The following UVSSA variants were observed in gnomAD, a reference collection of about 807,000 sequenced individuals.
The protein encoded by UVSSA is UV-stimulated scaffold protein A.
In UVSSA, 72 loss-of-function variants were observed where a neutral mutation model predicts 73.9. The ratio of observed to expected loss-of-function variants is 0.97; its 90% CI spans 0.81 to 1.19. UVSSA has a LOEUF of 1.19. Ranked by LOEUF, UVSSA falls within the 50% of genes most tolerant of loss-of-function variation. The pLI is 0.00. For synonymous variants in UVSSA, 454 were observed against 391.3 expected (o/e 1.16, Z -1.89); for missense variants, 1,150 against 965.0 (o/e 1.19, Z -2.54).
rs574965437 is a variant in UVSSA, at chr4:1,349,555, C to T, written c.130C>T (p.Arg44Cys). The T allele has an allele frequency of 7.0e-5, 113 of 1,613,792 alleles. No homozygotes were observed. Among genetic ancestry groups the T allele is most frequent in the Non-Finnish European group, 8.3e-5 (98 of 1,179,960 alleles). Residue 44 changes from arginine to cysteine, a missense_variant, in exon 3 of 14, where the codon CGC (arginine) becomes TGC (cysteine). Transcript: ENST00000389851. Reference sequence around the variant, plus strand: ...AGAGGAGCAGCTGAGCCGCGCCTACCGCCTGCTGATAGCACAGCTGACCCA... The same window carrying T: ...AGAGGAGCAGCTGAGCCGCGCCTACTGCCTGCTGATAGCACAGCTGACCCA... ...SSEEQLSRAYRLLIAQLTQEH... is the reference protein window; with the variant it reads ...SSEEQLSRAYCLLIAQLTQEH...
In UVSSA at chr4:1,380,904, C is replaced by G; in HGVS notation, c.1777C>G (p.Pro593Ala). 1 of 1,613,026 alleles carries G rather than the reference C, an allele frequency of 6.2e-7. No individual in the cohort carries two copies. The highest frequency in any genetic ancestry group is 8.5e-7 in the Non-Finnish European group (1 of 1,179,944). Residue 593 changes from proline (P) to alanine (A), a missense_variant, in exon 12 of 14, where the codon CCA becomes GCA. By Grantham distance (27) the Pro-to-Ala change is conservative. Transcript: ENST00000389851. ...GTGCCCTTTCCATGGGAAGATTGTT[C>G]CACGGGACGACGAAGGACGGCCGCT... The part of the protein sequence containing the change: ...LKCPFHGKIV[P>A]RDDEGRPLDP...
At chr4:1,364,032 C>T (rs1716992010) in intron 7 of UVSSA, among the ~76,000 whole-genome samples, 1 of 52,458 alleles carries the variant, frequency 1.9e-5, no homozygotes, top group African/African-American at 8.4e-5. Flanking sequence ...GGTGCTGGTG[C>T]CCGGGCCCCG....
At chr4:1,375,227 A>G (rs754608622) in intron 8 of UVSSA, 137 bp from the exon 9 acceptor site, 15 of 1,411,306 alleles carry the variant, frequency 1.1e-5, no homozygotes, top group Non-Finnish European at 1.4e-5. Flanking sequence ...TGAGGAGCAG[A>G]TAGCAGGCAC....
At chr4:1,348,022 A>C (rs1713979042) in intron 1 of UVSSA, 68 bp from the exon 2 acceptor site, 1 of 1,346,862 alleles carries the variant, frequency 7.4e-7, no homozygotes, top group African/African-American at 1.5e-5. Context: ...CCCAGTAAAC[A>C]CGTTAATAAC....
At chr4:1,370,223 C>G (rs2109228526) in intron 8 of UVSSA, among the ~76,000 whole-genome samples, 1 of 152,342 alleles carries the variant, frequency 6.6e-6, no homozygotes, top group East Asian at 1.9e-4. Flanking sequence ...ACATTGTTCA[C>G]TTGTCAGTCT....
chr4:1,354,609 G>T (rs1715366653), intron 5 of UVSSA, 126 bp from the exon 6 acceptor site: 4 of 726,866 alleles, frequency 5.5e-6, no homozygotes, highest in Admixed American at 2.4e-5. Flanking sequence ...ATTCCCGGGG[G>T]CAGGCATGGG....
intron 8 of UVSSA, among the ~76,000 whole-genome samples, chr4:1,368,404 C>A (rs141094661): frequency 6.6e-6 from 1 of 152,244 alleles, no homozygotes; most frequent in African/African-American, 2.4e-5. Flanking sequence ...GAAACTCAAA[C>A]GAGGTGACTT....
In UVSSA at chr4:1,347,673, C is replaced by G. The variant is rs1162443789; in HGVS notation, c.-90C>G. 6.0e-6 allele frequency: 1 copy of G among 166,002 alleles called. No individual in the cohort carries two copies. The highest frequency in any genetic ancestry group is 2.4e-5 in the African/African-American group (1 of 41,598). The allele number at this position is 166,002 out of a possible 1,614,324, so 10.3% of individuals were successfully genotyped here. A position where few individuals can be genotyped will look rare whatever the true frequency, so the allele number is the denominator to read the frequency against. Reference sequence around the variant, plus strand: ...TGCCTCCGTTAGGGCCGCCCCTGCTCTCCGGACGCGACTTTTCATTGGTCT... The same window carrying G: ...TGCCTCCGTTAGGGCCGCCCCTGCTGTCCGGACGCGACTTTTCATTGGTCT... On this transcript the variant is annotated 5_prime_UTR_variant, in exon 1 of 14. Transcript: ENST00000389851.
intron 3 of UVSSA, among the ~76,000 whole-genome samples, chr4:1,350,505 G>T (rs1257826761): frequency 1.3e-5 from 2 of 152,226 alleles, no homozygotes; most frequent in Non-Finnish European, 2.9e-5. Context: ...CCTGCTAATG[G>T]AACAAGCACA....
At chr4:1,375,993 C>T (rs1173183424) in intron 9 of UVSSA, 41 bp from the exon 10 acceptor site, 1 of 1,565,426 alleles carries the variant, frequency 6.4e-7, no homozygotes, top group Non-Finnish European at 8.6e-7. Context: ...CTGTGGGTGG[C>T]ACCAGCAGCA....
rs138618709 is a variant in UVSSA, at chr4:1,355,129, G to T, written c.1060G>T (p.Val354Phe). 7 of 1,613,594 alleles carry T rather than the reference G, an allele frequency of 4.3e-6. No individual in the cohort carries two copies. The African/African-American group carries it at 6.7e-5, about 15-fold the overall frequency. The change falls in exon 7 of 14, where the codon GTC becomes TTC. Residue 354 changes from valine (V) to phenylalanine (F), a missense_variant. Coordinates refer to ENST00000389851, the MANE Select transcript of UVSSA (RefSeq NM_020894.4). ...CCCCGTTTCGCAGCGCTTCACCCGC[G>T]TCGGGACCCACGGTGGATGTTTAAA... ...VCSWIQRFTR[V>F]GTHGGCLKRA...
intron 4 of UVSSA, 53 bp downstream of exon 4, chr4:1,351,888 TC>T: frequency 6.3e-7 from 1 of 1,598,168 alleles, no homozygotes; most frequent in Non-Finnish European, 8.5e-7. Context: ...TTGCCCGTGG[TC>T]CAGCAGTTCA....
At chr4:1,365,436 C>T (rs995250961) in intron 7 of UVSSA, among the ~76,000 whole-genome samples, 12 of 152,266 alleles carry the variant, frequency 7.9e-5, no homozygotes, top group African/African-American at 2.2e-4. Context: ...CTAAGTCGGG[C>T]GCAGGAAGGG....
At chr4:1,354,965 G>A in intron 6 of UVSSA, 118 bp downstream of exon 6, 1 of 1,532,470 alleles carries the variant, frequency 6.5e-7, no homozygotes, top group Non-Finnish European at 8.8e-7. Context: ...TAACCCGCGA[G>A]GGCTCTGTCC....
In UVSSA at chr4:1,380,315, G is replaced by T. The variant is rs934288144; in HGVS notation, c.1752+85G>T. The T allele has an allele frequency of 2.7e-6, 4 of 1,476,738 alleles. 1 individual carries two copies. In the East Asian group the frequency reaches 9.5e-5, roughly 35 times the overall value. The allele number at this position is 1,476,738 out of a possible 1,614,324, so 91.5% of individuals were successfully genotyped here. On this transcript the variant is annotated intron_variant, in intron 11 of 13. Coordinates refer to ENST00000389851, the MANE Select transcript of UVSSA (RefSeq NM_020894.4). ...GGGGTGCTGAGCCCCACCTGCCCCT[G>T]CCCTGGGTCAGGGTGCTTGTGAGCA...
chr4:1,366,458 C>A lies in UVSSA; in HGVS notation c.1288+27C>A. ...TGAGCAGTGGGTCCCGTGGGGGGGG[C>A]ACCTGGGTGGAGGGTCCCCCACTCA... On this transcript the variant is annotated intron_variant, in intron 8 of 13. Transcript: ENST00000389851. 1.9e-6 allele frequency: 3 copies of A among 1,550,120 alleles called. No homozygotes were observed. In the South Asian group the frequency reaches 3.6e-5, roughly 18 times the overall value.
At chr4:1,349,038 G>GGCGTT (rs1714207572) in intron 2 of UVSSA, among the ~76,000 whole-genome samples, 2 of 139,658 alleles carry the variant, frequency 1.4e-5, no homozygotes, top group African/African-American at 5.0e-5. Context: ...GCCAGGCGGT[G>GGCGTT]TGTGTTTGTG....
At chr4:1,342,275 G>C (rs1713459094), upstream of UVSSA, among the ~76,000 whole-genome samples, 1 of 152,198 alleles carries the variant, frequency 6.6e-6, no homozygotes, top group African/African-American at 2.4e-5. Context: ...GGTAGTGTCA[G>C]GTTAGTCATT....
chr4:1,372,792 C>T (rs5015162), intron 8 of UVSSA, among the ~76,000 whole-genome samples: 65 of 26,392 alleles, frequency 2.5e-3, no homozygotes, highest in Middle Eastern at 0.026. Flanking sequence ...CTCCCGCGTC[C>T]CTGCACTCAC....
Sources: allele counts gnomAD v4.1 joint callset (sites outside exome capture counted in the v4.1 genomes callset), GRCh38; gene constraint gnomAD v4.1.1; transcripts MANE v1.5; gene names NCBI Gene and HGNC (gene_info 2026-07-23, HGNC 2026-07-21).